Variants in ZNF331 observed in about 807,000 individuals in gnomAD.
ZNF331 encodes C2H2-like zinc finger protein rearranged in thyroid adenomas.
In ZNF331, 2 loss-of-function variants were observed where a neutral mutation model predicts 7.0. That is an observed-to-expected ratio of 0.29 (90% CI 0.12 to 0.90). The LOEUF (loss-of-function observed/expected upper bound fraction) is 0.90. ZNF331 is among the 40% of genes least tolerant of loss of function. The probability of loss-of-function intolerance (pLI) is 0.58; values close to 1 mark genes in which losing one functional copy is unlikely to be tolerated. For missense variants in ZNF331, 432 were observed against 587.7 expected (o/e 0.74, Z 2.74); for synonymous variants, 196 against 205.4 (o/e 0.95, Z 0.39).
At chr19:53,519,177 G>T (rs2086979191), upstream of ZNF331, among the ~76,000 whole-genome samples, 1 of 151,872 alleles carries the variant, frequency 6.6e-6, no homozygotes, top group African/African-American at 2.4e-5. Flanking sequence ...CCTCACAGGC[G>T]CCCTCCCTTA....
chr19:53,556,421 C>T (rs974298404), intron 3 of ZNF331, among the ~76,000 whole-genome samples: 2 of 151,604 alleles, frequency 1.3e-5, no homozygotes, highest in Non-Finnish European at 2.9e-5. Context: ...TAATTCTTGT[C>T]TTAGTTGATT....
rs1333710904 is a variant in ZNF331 at position 53,560,325 on chromosome 19, T to C, written c.-74+4417T>C. On this transcript the variant is annotated intron_variant, in intron 3 of 5. Coordinates refer to ENST00000449416, the MANE Select transcript of ZNF331 (RefSeq NM_001079906.2). This position sits in a 1 kb window ranked among gnomAD's most constrained non-coding sequence, Gnocchi z 4.3. ...TACACCCACACCATATACACACACATACACATATATAAACACCATATATAT... is the reference window on the plus strand; with the variant it reads ...TACACCCACACCATATACACACACACACACATATATAAACACCATATATAT... Among the ~76,000 whole-genome samples the C allele has an allele frequency of 1.3e-5, 2 of 151,572 alleles. No homozygotes were observed. Among genetic ancestry groups the C allele is most frequent in the Admixed American group, 6.6e-5 (1 of 15,198 alleles).
At chr19:53,567,655 T>A (rs2147618083) in intron 3 of ZNF331, among the ~76,000 whole-genome samples, 1 of 151,292 alleles carries the variant, frequency 6.6e-6, no homozygotes, top group Non-Finnish European at 1.5e-5. Flanking sequence ...AAGACCAGCC[T>A]GGGAAATATA....
chr19:53,505,112 T>C, the ZNF331 span, among the ~76,000 whole-genome samples: 3 of 152,168 alleles, frequency 2.0e-5, no homozygotes, highest in Non-Finnish European at 4.4e-5. Context: ...TCATAAACTG[T>C]AAGCACACGA....
chr19:53,522,889 G>A (rs2087140359), intron 2 of ZNF331, among the ~76,000 whole-genome samples: 2 of 152,206 alleles, frequency 1.3e-5, no homozygotes, highest in South Asian at 4.1e-4. Flanking sequence ...CTAAGAATCT[G>A]ATGGTACAGA....
At chr19:53,515,533 T>A (rs1381411810), upstream of ZNF331, among the ~76,000 whole-genome samples, 1 of 152,208 alleles carries the variant, frequency 6.6e-6, no homozygotes, top group Non-Finnish European at 1.5e-5. Flanking sequence ...GTTTCGTTCT[T>A]GTTGCCCAGG....
At chr19:53,513,873 G>T in the ZNF331 span, among the ~76,000 whole-genome samples, 1 of 152,140 alleles carries the variant, frequency 6.6e-6, no homozygotes, top group African/African-American at 2.4e-5. Flanking sequence ...GCCTTCCAAA[G>T]TGCTGGGATT....
rs1348491264 is a variant in ZNF331 at position 53,560,402 on chromosome 19, C to T, written c.-74+4494C>T. Among the ~76,000 whole-genome samples the T allele has an allele frequency of 6.6e-6, 1 of 152,042 alleles. No individual in the cohort carries two copies. The highest frequency in any genetic ancestry group is 1.9e-4 in the East Asian group (1 of 5,198). On this transcript the variant is annotated intron_variant, in intron 3 of 5. Transcript: ENST00000449416. This position sits in a 1 kb window ranked among gnomAD's most constrained non-coding sequence, Gnocchi z 4.3. Reference sequence around the variant, plus strand: ...AGACACACATATACACAAACATACACACAATTATATCACAAGGTCTGATTG... The same window carrying T: ...AGACACACATATACACAAACATACATACAATTATATCACAAGGTCTGATTG...
At chr19:53,530,075 G>A (rs2087472463) in intron 2 of ZNF331, among the ~76,000 whole-genome samples, 1 of 152,160 alleles carries the variant, frequency 6.6e-6, no homozygotes, top group African/African-American at 2.4e-5. Flanking sequence ...GGAGGCCTCA[G>A]GAGCTTTTAC....
At chr19:53,528,678 C>T (rs890467812) in intron 2 of ZNF331, among the ~76,000 whole-genome samples, 6 of 152,166 alleles carry the variant, frequency 3.9e-5, no homozygotes, top group Non-Finnish European at 8.8e-5. Context: ...TTTGGTAATA[C>T]ATCATAAATG....
intron 2 of ZNF331, among the ~76,000 whole-genome samples, chr19:53,527,287 A>G (rs1216140501): frequency 6.6e-6 from 1 of 152,220 alleles, no homozygotes; most frequent in Non-Finnish European, 1.5e-5. Context: ...GTAGTTATTA[A>G]TAAATGTTTG....
the ZNF331 span, chr19:53,512,365 T>G: frequency 6.6e-6 from 1 of 152,506 alleles, no homozygotes; most frequent in Admixed American, 6.5e-5. Flanking sequence ...GGAATGTGCC[T>G]GCTGAATCTG....
intron 3 of ZNF331, among the ~76,000 whole-genome samples, chr19:53,561,892 C>T (rs977639169): frequency 2.6e-5 from 4 of 152,158 alleles, no homozygotes; most frequent in East Asian, 1.9e-4. Context: ...TTGTGCCTGT[C>T]ATCCCAGCTC....
chr19:53,515,502 G>A (rs11084259), upstream of ZNF331, among the ~76,000 whole-genome samples: 36,697 of 151,978 alleles, frequency 0.24, 4,480 homozygotes, highest in Middle Eastern at 0.29. Flanking sequence ...TGTTTGGTTG[G>A]TTGTTTGTTT....
chr19:53,514,013 T>G, the ZNF331 span, among the ~76,000 whole-genome samples: 1 of 152,186 alleles, frequency 6.6e-6, no homozygotes, highest in African/African-American at 2.4e-5. Flanking sequence ...ACGCATAGGG[T>G]ATATATGGTT....
chr19:53,533,292 A>T (rs558571398), upstream of ZNF331, among the ~76,000 whole-genome samples: 15 of 152,236 alleles, frequency 9.9e-5, no homozygotes, highest in African/African-American at 3.4e-4. Flanking sequence ...CATATTTGTG[A>T]ATTTACCTAA....
upstream of ZNF331, among the ~76,000 whole-genome samples, chr19:53,519,489 C>A (rs12978451): frequency 0.33 from 50,694 of 151,952 alleles, 8,624 homozygotes; most frequent in Middle Eastern, 0.42. Context: ...GGCCCAACTA[C>A]AAAAACCATC....
chr19:53,559,088 C>T (rs1398713901), intron 3 of ZNF331, among the ~76,000 whole-genome samples: 2 of 142,840 alleles, frequency 1.4e-5, no homozygotes, highest in African/African-American at 5.0e-5. Context: ...ATATACACAC[C>T]TACATATAGA....
chr19:53,557,018 C>T (rs2089479662), intron 3 of ZNF331, among the ~76,000 whole-genome samples: 1 of 126,486 alleles, frequency 7.9e-6, no homozygotes, highest in Non-Finnish European at 1.6e-5. Flanking sequence ...CAATGTTTCA[C>T]CATGTTGCCC....
Sources: allele counts gnomAD v4.1 joint callset (sites outside exome capture counted in the v4.1 genomes callset), GRCh38; gene constraint gnomAD v4.1.1; non-coding constraint Gnocchi (gnomAD v3.1); transcripts MANE v1.5; gene names NCBI Gene and HGNC (gene_info 2026-07-23, HGNC 2026-07-21).